The following RPL32 variants were observed in gnomAD, a reference collection of about 807,000 sequenced individuals.
The protein encoded by RPL32 is ribosomal protein L32, also known as large ribosomal subunit protein eL32.
For synonymous variants in RPL32, 61 were observed against 62.6 expected, an observed-to-expected ratio of 0.98 and a Z score of 0.12; for missense variants, 117 against 173.7, an observed-to-expected ratio of 0.67 and a Z score of 1.83.
chr3:12,840,872 T>G (rs1026315445), intron 1 of RPL32: 5 of 203,160 alleles, frequency 2.5e-5, no homozygotes, highest in Admixed American at 5.2e-5. Context: ...CCCCTTCTGC[T>G]CTCTTCGCAG....
chr3:12,837,772 TAGTTTACTTA>T (rs1160961480), intron 3 of RPL32, among the ~76,000 whole-genome samples: 2 of 152,260 alleles, frequency 1.3e-5, no homozygotes, highest in African/African-American at 4.8e-5. Flanking sequence ...ATGTTCTTTC[TAGTTTACTTA>T]GGAAAATTCA....
intron 3 of RPL32, chr3:12,839,148 C>T (rs2062124833): frequency 4.9e-6 from 3 of 613,422 alleles, no homozygotes; most frequent in Non-Finnish European, 8.7e-6. Flanking sequence ...GACCAAGTCA[C>T]CTCCTTCAGC....
At chr3:12,839,295 T>TC in intron 3 of RPL32, 54 bp downstream of exon 3, 1 of 1,539,860 alleles carries the variant, frequency 6.5e-7, no homozygotes. Context: ...CCAGAAGTGC[T>TC]CACACAGATG....
rs1457179919 is a variant in RPL32 at position 12,841,538 on chromosome 3, A to C, written c.-50T>G. 6.6e-6 allele frequency: 1 copy of C among 152,208 alleles called. No individual in the cohort carries two copies. The highest frequency in any genetic ancestry group is 2.4e-5 in the African/African-American group (1 of 41,440). The allele number at this position is 152,208 out of a possible 1,614,324, so 9.4% of individuals were successfully genotyped here. A position where few individuals can be genotyped will look rare whatever the true frequency, so the allele number is the denominator to read the frequency against. ...ACCTCCGTAGGCAGCGCCGAGGAAG[A>C]GAGAAGGGACGGTGGCGCGCAAGGG... On this transcript the variant is annotated 5_prime_UTR_variant, in exon 1 of 4. Transcript: ENST00000429711.
chr3:12,838,144 T>C (rs753680364), intron 3 of RPL32, among the ~76,000 whole-genome samples: 17 of 152,228 alleles, frequency 1.1e-4, no homozygotes, highest in Non-Finnish European at 2.1e-4. Context: ...TAGTAGCTCA[T>C]GCCTGTAATC....
intron 3 of RPL32, among the ~76,000 whole-genome samples, chr3:12,836,901 C>G (rs1271497518): frequency 1.3e-5 from 2 of 152,206 alleles, no homozygotes; most frequent in East Asian, 1.9e-4. Flanking sequence ...CATTCCACCC[C>G]TAAAGCATTT....
At chr3:12,836,281 C>T in intron 3 of RPL32, 58 bp from the exon 4 acceptor site, 2 of 1,596,006 alleles carry the variant, frequency 1.3e-6, no homozygotes, top group Non-Finnish European at 8.5e-7. Flanking sequence ...TTGGAAAATT[C>T]CATTGGAGAG....
chr3:12,838,064 G>A (rs544754045), intron 3 of RPL32, among the ~76,000 whole-genome samples: 2 of 152,186 alleles, frequency 1.3e-5, no homozygotes, highest in Non-Finnish European at 2.9e-5. Context: ...TCACAGCTGT[G>A]AACAGCCACT....
Position 12,835,919 on chromosome 3 carries a change from T to C in RPL32, c.*175A>G, listed in dbSNP as rs924084284. 4.3e-6 allele frequency: 3 copies of C among 705,836 alleles called. No homozygotes were observed. The African/African-American group carries it at 5.4e-5, about 13-fold the overall frequency. 43.7% of individuals were successfully genotyped at this position (705,836 alleles called of 1,614,324 possible). A position where few individuals can be genotyped will look rare whatever the true frequency, so the allele number is the denominator to read the frequency against. On this transcript the variant is annotated 3_prime_UTR_variant, in exon 4 of 4. Coordinates refer to ENST00000429711, the MANE Select transcript of RPL32 (RefSeq NM_000994.4). ...AGGCCACATTCCCCTGTTCAAGGACTGAGTGTCCTTTACAAATCCCCTCCA... is the reference window on the plus strand; with the variant it reads ...AGGCCACATTCCCCTGTTCAAGGACCGAGTGTCCTTTACAAATCCCCTCCA...
chr3:12,840,284 A>T (rs2062139703), intron 1 of RPL32, 42 bp from the exon 2 acceptor site: 2 of 1,414,514 alleles, frequency 1.4e-6, no homozygotes, highest in Non-Finnish European at 2.0e-6. Flanking sequence ...AGAATCCTGG[A>T]AGGAGGCTTT....
At position 12,835,527 on chromosome 3, in the gene RPL32, G is replaced by C. The variant is rs2062092899; in HGVS notation, c.*567C>G. The C allele has an allele frequency of 1.3e-5, 2 of 153,054 alleles. No homozygotes were observed. The highest frequency in any genetic ancestry group is 4.1e-4 in the South Asian group (2 of 4,886). The allele number at this position is 153,054 out of a possible 1,614,324, so 9.5% of individuals were successfully genotyped here. Reference sequence around the variant, plus strand: ...TAACATTATACCTGAAGCAGCAGCTGGTGGGAGGGTTATAGGAGACTGAAA... The same window carrying C: ...TAACATTATACCTGAAGCAGCAGCTCGTGGGAGGGTTATAGGAGACTGAAA... On this transcript the variant is annotated 3_prime_UTR_variant, in exon 4 of 4. Coordinates refer to ENST00000429711, the MANE Select transcript of RPL32 (RefSeq NM_000994.4).
rs777059705 is a variant in RPL32 at position 12,836,085 on chromosome 3, A to G, written c.*9T>C. ...ATTTATTTAAACAGAAAACGTGCAC[A>G]TGAGCTGCCTACTCATTTTCTTCAC... On this transcript the variant is annotated 3_prime_UTR_variant, in exon 4 of 4. Coordinates refer to ENST00000429711, the MANE Select transcript of RPL32 (RefSeq NM_000994.4). The G allele has an allele frequency of 1.9e-6, 3 of 1,611,090 alleles. No homozygotes were observed. The East Asian group carries it at 6.7e-5, about 36-fold the overall frequency.
At chr3:12,836,314 T>TA in intron 3 of RPL32, 91 bp from the exon 4 acceptor site, 2 of 1,496,632 alleles carry the variant, frequency 1.3e-6, no homozygotes, top group African/African-American at 2.9e-5. Flanking sequence ...AGCACCAAGC[T>TA]AAGAGAGGGC....
chr3:12,837,529 G>A (rs1457878997), intron 3 of RPL32, among the ~76,000 whole-genome samples: 1 of 152,162 alleles, frequency 6.6e-6, no homozygotes, highest in Non-Finnish European at 1.5e-5. Flanking sequence ...GCCTGTTACA[G>A]TTCAACTCAT....
intron 3 of RPL32, among the ~76,000 whole-genome samples, chr3:12,838,697 G>C (rs2062120753): frequency 6.6e-6 from 1 of 152,110 alleles, no homozygotes; most frequent in Non-Finnish European, 1.5e-5. Context: ...TCCTTGAATA[G>C]GGCACTCTTG....
intron 3 of RPL32, among the ~76,000 whole-genome samples, chr3:12,838,363 G>A (rs572547019): frequency 1.3e-5 from 2 of 152,294 alleles, no homozygotes; most frequent in South Asian, 2.1e-4. Context: ...CCGAAGTCAT[G>A]CCACTGCACT....
At chr3:12,836,968 G>A (rs1400623238) in intron 3 of RPL32, among the ~76,000 whole-genome samples, 5 of 152,242 alleles carry the variant, frequency 3.3e-5, no homozygotes, top group Non-Finnish European at 7.3e-5. Context: ...TGGACACACA[G>A]CTCTTTTCAA....
In RPL32 at chr3:12,835,406, C is replaced by T. The variant is rs748199; in HGVS notation, c.*688G>A. On this transcript the variant is annotated 3_prime_UTR_variant, in exon 4 of 4. Transcript: ENST00000429711. ...AGCCTGGGTGAGAGCAAGACCCCGT[C>T]TCCAAAAAAAATCAGGACCACGTGT... is the stretch of plus-strand genomic sequence containing the variant. The T allele has an allele frequency of 0.18, 27,515 of 152,130 alleles. 3,300 individuals are homozygous for T. The highest frequency in any genetic ancestry group is 0.35 in the African/African-American group (14,420 of 41,426). The allele number at this position is 152,130 out of a possible 1,614,324, so 9.4% of individuals were successfully genotyped here. A position where few individuals can be genotyped will look rare whatever the true frequency, so the allele number is the denominator to read the frequency against.
At chr3:12,836,245 A>G (rs144051302) in intron 3 of RPL32, 22 bp from the exon 4 acceptor site, 14 of 1,599,310 alleles carry the variant, frequency 8.8e-6, no homozygotes, top group Middle Eastern at 1.7e-4. Flanking sequence ...TCAAGTAGGT[A>G]AGGAGCAAGA....
Sources: allele counts gnomAD v4.1 joint callset (sites outside exome capture counted in the v4.1 genomes callset), GRCh38; gene constraint gnomAD v4.1.1; transcripts MANE v1.5; gene names NCBI Gene and HGNC (gene_info 2026-07-23, HGNC 2026-07-21).